The following FAM149A variants were observed in gnomAD, a reference collection of about 807,000 sequenced individuals.
FAM149A encodes family with sequence similarity 149 member A.
Under a neutral mutation model 78.2 loss-of-function variants are expected in FAM149A, and 71 were observed. That is an observed-to-expected ratio of 0.91 (90% CI 0.75 to 1.11). FAM149A has a LOEUF of 1.11. Among genes scored for constraint, FAM149A ranks in the 50% least tolerant of loss-of-function variants. The pLI is 0.00. For missense variants in FAM149A, 1,036 were observed against 971.0 expected, an observed-to-expected ratio of 1.07 and a Z score of -0.89; for synonymous variants, 446 against 410.5, an observed-to-expected ratio of 1.09 and a Z score of -1.04.
chr4:186,169,869 AAG>A (rs1735384226), intron 13 of FAM149A: 4 of 985,462 alleles, frequency 4.1e-6, no homozygotes, highest in Non-Finnish European at 4.8e-6. Flanking sequence ...CCCAAGACAA[AAG>A]AGCTATTAGA....
intron 1 of FAM149A, chr4:186,127,020 G>T (rs770025255): frequency 2.0e-6 from 2 of 985,256 alleles, no homozygotes; most frequent in Non-Finnish European, 2.4e-6. Context: ...GAGCTGTCGC[G>T]TATGCCAATT....
chr4:186,155,180 A>C (rs1001873582), intron 6 of FAM149A, among the ~76,000 whole-genome samples: 2 of 151,998 alleles, frequency 1.3e-5, no homozygotes, highest in African/African-American at 4.8e-5. Context: ...GTTAGCCAGG[A>C]TGGTGTCGAT....
At position 186,123,719 on chromosome 4, in the gene FAM149A, C is replaced by G. The variant is rs961618103; in HGVS notation, c.566+18077C>G. On this transcript the variant is annotated intron_variant, in intron 1 of 13. Transcript: ENST00000389354. The stretch of plus-strand genomic sequence containing the variant: ...CAGCAAGTAAGAAAGTCTTTCATCT[C>G]TGGTCTAGGATTCTTATGTTTCCTC... 31 of 481,988 alleles carry G rather than the reference C, an allele frequency of 6.4e-5. 1 individual carries two copies. In the South Asian group the frequency reaches 1.3e-3, roughly 20 times the overall value. 29.9% of individuals were successfully genotyped at this position (481,988 alleles called of 1,614,324 possible).
chr4:186,108,813 A>ACAAT (rs1327396343), intron 1 of FAM149A, among the ~76,000 whole-genome samples: 2 of 150,124 alleles, frequency 1.3e-5, no homozygotes, highest in Non-Finnish European at 3.0e-5. Context: ...TTTGAACCAC[A>ACAAT]CAATACACCT....
At position 186,165,406 on chromosome 4, in the gene FAM149A, C is replaced by T. The variant is rs141878617; in HGVS notation, c.1952C>T (p.Pro651Leu). 46 of 1,614,026 alleles carry T rather than the reference C, an allele frequency of 2.9e-5. No individual in the cohort carries two copies. Among genetic ancestry groups the T allele is most frequent in the Non-Finnish European group, 3.3e-5 (39 of 1,179,870 alleles). The stretch of plus-strand genomic sequence containing the variant: ...CAAACGTCACGGAGCAGGTTCCCCC[C>T]GCTAGTCACGGAGACCAGGGGGCAG... The change falls in exon 11 of 14, where the codon CCG (proline) becomes CTG (leucine). Residue 651 changes from proline to leucine, a missense_variant. Coordinates refer to ENST00000389354, the MANE Select transcript of FAM149A (RefSeq NM_001367768.3).
chr4:186,164,552 G>A lies in FAM149A; in HGVS notation c.1890-792G>A, dbSNP rs914835550. 2 of 903,168 alleles carry A rather than the reference G, an allele frequency of 2.2e-6. No homozygotes were observed. The highest frequency in any genetic ancestry group is 1.8e-5 in the African/African-American group (1 of 55,580). 55.9% of individuals were successfully genotyped at this position (903,168 alleles called of 1,614,324 possible). A position where few individuals can be genotyped will look rare whatever the true frequency, so the allele number is the denominator to read the frequency against. ...GGTGACTGTTTCTTTCACAGTTTGGGACTGATGTTTCCAGCTGTGTTGGGT... is the reference window on the plus strand; with the variant it reads ...GGTGACTGTTTCTTTCACAGTTTGGAACTGATGTTTCCAGCTGTGTTGGGT... On this transcript the variant is annotated intron_variant, in intron 10 of 13. Coordinates refer to ENST00000389354, the MANE Select transcript of FAM149A (RefSeq NM_001367768.3). This position sits in a 1 kb window ranked among gnomAD's most constrained non-coding sequence, Gnocchi z 4.0.
intron 13 of FAM149A, 175 bp downstream of exon 13, chr4:186,167,437 G>C (rs771432372): frequency 4.4e-6 from 3 of 675,462 alleles, no homozygotes; most frequent in Non-Finnish European, 8.2e-6. Flanking sequence ...CACACCTGCA[G>C]AGACTTACTT....
At chr4:186,153,069 GA>G (rs929377526) in intron 4 of FAM149A, among the ~76,000 whole-genome samples, 38 of 151,402 alleles carry the variant, frequency 2.5e-4, no homozygotes, top group African/African-American at 9.0e-4. Flanking sequence ...CTGCCCTAAA[GA>G]GTATGATATG....
At chr4:186,108,032 C>T (rs1317991531) in intron 1 of FAM149A, among the ~76,000 whole-genome samples, 1 of 152,182 alleles carries the variant, frequency 6.6e-6, no homozygotes, top group African/African-American at 2.4e-5. Flanking sequence ...TTCTTTTTCC[C>T]TCCTGGATTT....
At chr4:186,145,023 C>T (rs1732910607) in intron 1 of FAM149A, 1 of 980,946 alleles carries the variant, frequency 1.0e-6, no homozygotes, top group Admixed American at 6.2e-5. Context: ...GTGGGGCCCG[C>T]GCGCGGTGCC....
chr4:186,125,150 C>T (rs1047285533), intron 1 of FAM149A: 3 of 527,858 alleles, frequency 5.7e-6, no homozygotes, highest in African/African-American at 2.1e-5. Context: ...GTGTCCACAG[C>T]CATACAAGTC....
chr4:186,116,656 G>T, intron 1 of FAM149A: 5 of 965,378 alleles, frequency 5.2e-6, no homozygotes, highest in Non-Finnish European at 6.2e-6. Context: ...GGAGGGCAGC[G>T]GCACGATCTC....
chr4:186,145,174 T>C, intron 1 of FAM149A: 1 of 982,840 alleles, frequency 1.0e-6, no homozygotes, highest in Non-Finnish European at 1.2e-6. Context: ...GTGCGCGGTG[T>C]TCTCCGCCCG....
At chr4:186,125,648 A>G (rs1293938470) in intron 1 of FAM149A, 1 of 934,532 alleles carries the variant, frequency 1.1e-6, no homozygotes, top group East Asian at 1.2e-4. Context: ...GATCATTCCC[A>G]TAAGGCACTC....
intron 1 of FAM149A, among the ~76,000 whole-genome samples, chr4:186,138,723 T>TG (rs1271189786): frequency 2.6e-5 from 4 of 152,194 alleles, no homozygotes; most frequent in African/African-American, 9.6e-5. Flanking sequence ...GTTATGGGTT[T>TG]GGGGGGGAAG....
chr4:186,132,066 T>G lies in FAM149A; in HGVS notation c.567-17107T>G, dbSNP rs1007883443. 8.1e-6 allele frequency: 8 copies of G among 985,328 alleles called. No individual in the cohort carries two copies. In the African/African-American group the frequency reaches 1.2e-4, roughly 15 times the overall value. The allele number at this position is 985,328 out of a possible 1,614,324, so 61.0% of individuals were successfully genotyped here. A position where few individuals can be genotyped will look rare whatever the true frequency, so the allele number is the denominator to read the frequency against. Reference sequence around the variant, plus strand: ...CACAAAACACAAAATAGCTCCATATTAAAGCTTAGCAACACAGATAACACG... The same window carrying G: ...CACAAAACACAAAATAGCTCCATATGAAAGCTTAGCAACACAGATAACACG... On this transcript the variant is annotated intron_variant, in intron 1 of 13. Transcript: ENST00000389354.
chr4:186,136,963 TTTCTCTCTCTCTTTCTCTCTCTCTCTCTC>T (rs1561396323), intron 1 of FAM149A, among the ~76,000 whole-genome samples: 25 of 103,300 alleles, frequency 2.4e-4, no homozygotes, highest in Non-Finnish European at 3.8e-4. Context: ...TCTCTCTCTC[TTTCTCTCTCTCTTTCTCTCTCTCTCTCTC>T]TCTCTCTCTC....
intron 1 of FAM149A, chr4:186,125,265 G>A (rs998412571): frequency 5.1e-6 from 5 of 985,176 alleles, no homozygotes; most frequent in Non-Finnish European, 6.0e-6. Flanking sequence ...CCCTCAGCTT[G>A]TTGTTTTGTG....
intron 1 of FAM149A, among the ~76,000 whole-genome samples, chr4:186,118,840 A>C (rs1398933594): frequency 6.6e-6 from 1 of 152,176 alleles, no homozygotes; most frequent in Non-Finnish European, 1.5e-5. Context: ...ACTGCCTGGG[A>C]GGAGGGAGCT....
Sources: gnomAD v4.1 joint callset for allele counts (sites outside exome capture counted in the v4.1 genomes callset) on GRCh38, gnomAD v4.1.1 for gene constraint, Gnocchi (gnomAD v3.1) non-coding constraint, MANE v1.5 for transcripts, NCBI Gene and HGNC (gene_info 2026-07-23, HGNC 2026-07-21) for gene names.